Variants in ZNF827 observed in about 807,000 individuals in gnomAD.
ZNF827 encodes zinc finger protein 827.
A neutral mutation model predicts 102.4 loss-of-function variants in ZNF827; 13 were observed. The ratio of observed to expected loss-of-function variants is 0.13; its 90% CI spans 0.08 to 0.20. The LOEUF is 0.20. ZNF827 is among the 10% of genes least tolerant of loss of function. The probability of loss-of-function intolerance (pLI) is 1.00; values close to 1 mark genes in which losing one functional copy is unlikely to be tolerated. For synonymous variants in ZNF827, 523 were observed against 536.2 expected, an observed-to-expected ratio of 0.98 and a Z score of 0.34; for missense variants, 1,103 against 1,344.4, an observed-to-expected ratio of 0.82 and a Z score of 2.81.
chr4:145,928,854 T>C (rs545977950), intron 1 of ZNF827, among the ~76,000 whole-genome samples: 1 of 152,178 alleles, frequency 6.6e-6, no homozygotes, highest in Non-Finnish European at 1.5e-5. Flanking sequence ...GGCAGGTGTA[T>C]ATGCATATGG....
intron 4 of ZNF827, among the ~76,000 whole-genome samples, chr4:145,873,469 T>C (rs4547811): frequency 0.21 from 31,232 of 152,140 alleles, 3,622 homozygotes; most frequent in East Asian, 0.43. Flanking sequence ...GGAGATAAGA[T>C]CTTTGAAGTA....
At chr4:145,856,447 G>A (rs1747115002) in intron 5 of ZNF827, among the ~76,000 whole-genome samples, 1 of 152,068 alleles carries the variant, frequency 6.6e-6, no homozygotes, top group Non-Finnish European at 1.5e-5. Context: ...TCCAATACTG[G>A]GGCTTGCCCA....
chr4:145,925,674 A>G (rs1753370220), intron 1 of ZNF827, among the ~76,000 whole-genome samples: 1 of 152,188 alleles, frequency 6.6e-6, no homozygotes, highest in African/African-American at 2.4e-5. Context: ...CTACTCCCAA[A>G]AGGCTCTCAA....
intron 4 of ZNF827, among the ~76,000 whole-genome samples, chr4:145,876,220 A>G (rs2126782762): frequency 6.6e-6 from 1 of 152,082 alleles, no homozygotes; most frequent in African/African-American, 2.4e-5. Flanking sequence ...CTCAACCTCC[A>G]CTCCACTGAT....
chr4:145,779,348 T>G (rs775405333), intron 9 of ZNF827, 26 bp downstream of exon 9: 1 of 1,611,062 alleles, frequency 6.2e-7, no homozygotes, highest in Admixed American at 1.7e-5. Context: ...CATAGAGGGC[T>G]GACAGCCCAG....
chr4:145,784,272 G>A (rs1464626874), intron 8 of ZNF827, among the ~76,000 whole-genome samples: 1 of 152,246 alleles, frequency 6.6e-6, no homozygotes, highest in Non-Finnish European at 1.5e-5. Context: ...CTCAGTAGCT[G>A]AGTGAACGCC....
chr4:145,854,990 G>A (rs542262700), intron 5 of ZNF827, among the ~76,000 whole-genome samples: 5 of 152,344 alleles, frequency 3.3e-5, no homozygotes, highest in African/African-American at 9.6e-5. Context: ...AGGGCATGGC[G>A]CGTTGAGCAA....
intron 6 of ZNF827, 33 bp from the exon 7 acceptor site, chr4:145,846,046 T>C (rs1427447489): frequency 1.9e-6 from 3 of 1,609,286 alleles, no homozygotes; most frequent in African/African-American, 1.3e-5. Context: ...ATACACCTCT[T>C]AGGTTGTTCT....
intron 6 of ZNF827, among the ~76,000 whole-genome samples, chr4:145,847,129 G>A (rs944223997): frequency 5.3e-5 from 8 of 151,886 alleles, no homozygotes; most frequent in Non-Finnish European, 8.8e-5. Context: ...ACTCCAGCCT[G>A]GGCGACAGAG....
At position 145,903,097 on chromosome 4, in the gene ZNF827, C is replaced by T. The variant is rs760635304; in HGVS notation, c.162G>A (p.Leu54=). ...SYGEVQENYK[L]SLEDRIQEQS... is the part of the protein sequence containing the mutation. ...GCTCCTGGATCCGGTCCTCCAGAGACAACTTATAGTTCTCCTGGACTTCCC... is the reference window on the plus strand; with the variant it reads ...GCTCCTGGATCCGGTCCTCCAGAGATAACTTATAGTTCTCCTGGACTTCCC... Residue 54 remains leucine (L), a synonymous_variant, in exon 2 of 15, where the codon TTG becomes TTA. Coordinates refer to ENST00000508784, the MANE Select transcript of ZNF827 (RefSeq NM_001306215.2). 3 of 1,614,198 alleles carry T rather than the reference C, an allele frequency of 1.9e-6. No homozygotes were observed. Among genetic ancestry groups the T allele is most frequent in the South Asian group, 2.2e-5 (2 of 91,080 alleles).
chr4:145,863,724 G>A lies in ZNF827; in HGVS notation c.1981+6521C>T, dbSNP rs563405322. Reference sequence around the variant, plus strand: ...GTAGATTCATGGTTGCCTGGGTGGGGGGTGGAGGTGGTGGGGATAGAGAGT... The same window carrying A: ...GTAGATTCATGGTTGCCTGGGTGGGAGGTGGAGGTGGTGGGGATAGAGAGT... On this transcript the variant is annotated intron_variant, in intron 5 of 14. Coordinates refer to ENST00000508784, the MANE Select transcript of ZNF827 (RefSeq NM_001306215.2). Among the ~76,000 whole-genome samples the A allele has an allele frequency of 8.9e-5, 13 of 146,324 alleles. No individual in the cohort carries two copies. In the South Asian group the frequency reaches 2.3e-3, roughly 26 times the overall value.
rs1748899699 is a variant in ZNF827, at chr4:145,873,612, AT to A, written c.1748-3135del. ...CTTAAAATCTAGCCCTTTGGGGACAATGCCATATGAATCTGAATCAAAGGGA... is the reference window on the plus strand; with the variant it reads ...CTTAAAATCTAGCCCTTTGGGGACAAGCCATATGAATCTGAATCAAAGGGA... On this transcript the variant is annotated intron_variant, in intron 4 of 14. Coordinates refer to ENST00000508784, the MANE Select transcript of ZNF827 (RefSeq NM_001306215.2). Among the ~76,000 whole-genome samples, 3 of 152,352 alleles carry A rather than the reference AT, an allele frequency of 2.0e-5. No individual in the cohort carries two copies. In the South Asian group the frequency reaches 6.2e-4, roughly 32 times the overall value.
At chr4:145,928,997 A>T (rs1753625059) in intron 1 of ZNF827, among the ~76,000 whole-genome samples, 1 of 152,220 alleles carries the variant, frequency 6.6e-6, no homozygotes, top group African/African-American at 2.4e-5. Context: ...GACTCTTCCA[A>T]GTTTTCAAAG....
intron 13 of ZNF827, among the ~76,000 whole-genome samples, chr4:145,764,323 T>C (rs1437930442): frequency 2.0e-5 from 3 of 152,190 alleles, no homozygotes; most frequent in Non-Finnish European, 2.9e-5. Context: ...TGGTGTTTTA[T>C]TCCTGTGTGC....
intron 8 of ZNF827, among the ~76,000 whole-genome samples, chr4:145,810,662 ATGT>A (rs1741920793): frequency 6.6e-6 from 1 of 152,204 alleles, no homozygotes; most frequent in South Asian, 2.1e-4. Flanking sequence ...CATGTCACGC[ATGT>A]TGTCAGCAGC....
At chr4:145,938,131 G>A (rs1045876741) in intron 1 of ZNF827, among the ~76,000 whole-genome samples, 7 of 151,716 alleles carry the variant, frequency 4.6e-5, no homozygotes, top group African/African-American at 1.7e-4. Context: ...AAGGGGGGGG[G>A]TGAGAGAAAG....
intron 4 of ZNF827, among the ~76,000 whole-genome samples, chr4:145,876,088 G>A (rs2126782306): frequency 6.6e-6 from 1 of 152,268 alleles, no homozygotes; most frequent in South Asian, 2.1e-4. Flanking sequence ...TTGTAGTAAT[G>A]TCATCAATAA....
intron 2 of ZNF827, among the ~76,000 whole-genome samples, chr4:145,895,285 T>C (rs148906579): frequency 1.5e-3 from 229 of 152,336 alleles, no homozygotes; most frequent in African/African-American, 5.0e-3. Context: ...CGTTTCCTAT[T>C]CTTTCTGAGA....
chr4:145,847,710 T>G (rs1025739405), intron 6 of ZNF827, among the ~76,000 whole-genome samples: 1 of 152,224 alleles, frequency 6.6e-6, no homozygotes, highest in Non-Finnish European at 1.5e-5. Context: ...CAATGGCTTC[T>G]TTTAATATCT....
Sources: allele counts gnomAD v4.1 joint callset (sites outside exome capture counted in the v4.1 genomes callset), GRCh38; gene constraint gnomAD v4.1.1; transcripts MANE v1.5; gene names NCBI Gene and HGNC (gene_info 2026-07-23, HGNC 2026-07-21).